DOCK1: variants seen among roughly 807,000 people sequenced by gnomAD.
DOCK1 encodes the protein dedicator of cytokinesis 1.
DOCK1 carries 138 observed loss-of-function variants against 262.7 expected under a neutral mutation model. That is an observed-to-expected ratio of 0.53 (90% confidence interval 0.46 to 0.61). The LOEUF (loss-of-function observed/expected upper bound fraction) is 0.61, where lower values mean the gene tolerates loss of function less well. Among genes scored for constraint, DOCK1 ranks in the 20% least tolerant of loss-of-function variants. The pLI is 0.00. For missense variants in DOCK1, 1,908 were observed against 2,370.7 expected (o/e 0.80, Z 4.05); for synonymous variants, 866 against 867.4 (o/e 1.00, Z 0.03).
intron 27 of DOCK1, among the ~76,000 whole-genome samples, chr10:127,165,147 G>A (rs537656360): frequency 6.6e-6 from 1 of 152,316 alleles, no homozygotes; most frequent in Non-Finnish European, 1.5e-5. Flanking sequence ...GTTCGAATTT[G>A]AAAGCATTAA....
intron 23 of DOCK1, among the ~76,000 whole-genome samples, chr10:127,099,345 C>A (rs986871399): frequency 2.0e-5 from 3 of 152,256 alleles, no homozygotes; most frequent in African/African-American, 7.2e-5. Flanking sequence ...GGAATACGGA[C>A]AAATTGACCT....
At chr10:126,968,897 A>G (rs2037879058) in intron 1 of DOCK1, among the ~76,000 whole-genome samples, 1 of 152,244 alleles carries the variant, frequency 6.6e-6, no homozygotes, top group Non-Finnish European at 1.5e-5. Context: ...GAGGACACTT[A>G]CATTTTATGA....
intron 4 of DOCK1, 87 bp from the exon 5 acceptor site, chr10:126,987,434 A>G (rs1433534256): frequency 4.7e-6 from 5 of 1,068,602 alleles, no homozygotes; most frequent in East Asian, 2.6e-5. Flanking sequence ...ACTGAACGCT[A>G]TGGCCTAGAT....
intron 27 of DOCK1, among the ~76,000 whole-genome samples, chr10:127,246,309 G>C (rs2059428844): frequency 6.6e-6 from 1 of 152,182 alleles, no homozygotes; most frequent in Non-Finnish European, 1.5e-5. Flanking sequence ...CAGTTTCACT[G>C]CCTGTAAAGT....
chr10:127,103,678 C>T (rs76994555), intron 23 of DOCK1, among the ~76,000 whole-genome samples: 4,094 of 152,190 alleles, frequency 0.027, 117 homozygotes, highest in African/African-American at 0.071. Flanking sequence ...CTTTGGATTA[C>T]GAGTAAGTGG....
At chr10:127,422,762 GA>G (rs1256579732) in intron 46 of DOCK1, among the ~76,000 whole-genome samples, 1 of 152,162 alleles carries the variant, frequency 6.6e-6, no homozygotes, top group Non-Finnish European at 1.5e-5. Flanking sequence ...AGATGTTGTA[GA>G]TTTTTTACTA....
chr10:127,353,792 C>A (rs1351574196), intron 31 of DOCK1, among the ~76,000 whole-genome samples: 1 of 152,294 alleles, frequency 6.6e-6, no homozygotes, highest in East Asian at 1.9e-4. Flanking sequence ...GTGCTTAGGG[C>A]ACCAGAGTCT....
chr10:126,912,199 T>G (rs7092268), intron 1 of DOCK1, among the ~76,000 whole-genome samples: 156 of 151,606 alleles, frequency 1.0e-3, no homozygotes, highest in African/African-American at 3.4e-3. Flanking sequence ...GAGGCTGAGG[T>G]GGGCGGGTCA....
chr10:127,402,990 C>A, intron 38 of DOCK1, 65 bp from the exon 39 acceptor site: 2 of 1,399,132 alleles, frequency 1.4e-6, no homozygotes, highest in South Asian at 1.3e-5. Flanking sequence ...TGATTGCATT[C>A]CTGTTTGACT....
At chr10:127,435,337 G>C (rs940322543) in intron 48 of DOCK1, among the ~76,000 whole-genome samples, 1 of 152,152 alleles carries the variant, frequency 6.6e-6, no homozygotes, top group African/African-American at 2.4e-5. Flanking sequence ...TCAACACACA[G>C]AAACAAACTT....
intron 27 of DOCK1, among the ~76,000 whole-genome samples, chr10:127,207,535 A>G (rs1367615269): frequency 6.6e-6 from 1 of 152,218 alleles, no homozygotes; most frequent in Non-Finnish European, 1.5e-5. Context: ...GAGAGTATTC[A>G]TTCCTGTACA....
At chr10:127,417,851 C>T (rs1296881887) in intron 44 of DOCK1, among the ~76,000 whole-genome samples, 1 of 152,138 alleles carries the variant, frequency 6.6e-6, no homozygotes, top group African/African-American at 2.4e-5. Context: ...GCTAGGATTG[C>T]AGGCAGGAGC....
Position 127,198,020 on chromosome 10 carries a change from A to ACT in DOCK1, c.2848-49985_2848-49984dup, listed in dbSNP as rs564412856. On this transcript the variant is annotated intron_variant, in intron 27 of 51. Coordinates refer to ENST00000623213, the MANE Select transcript of DOCK1 (RefSeq NM_001290223.2). ...GGGAGTCCTGAGCCTGTGGATCCAA[A>ACT]CTCTGCCCACCTCACTCTTCTTGTT... is the stretch of plus-strand genomic sequence containing the variant. Among the ~76,000 whole-genome samples the ACT allele has an allele frequency of 4.6e-3, 706 of 152,226 alleles. 4 individuals are homozygous for ACT. The highest frequency in any genetic ancestry group is 6.8e-3 in the Middle Eastern group (2 of 294).
chr10:126,954,459 A>G (rs1361149621), intron 1 of DOCK1, among the ~76,000 whole-genome samples: 2 of 152,180 alleles, frequency 1.3e-5, no homozygotes, highest in African/African-American at 4.8e-5. Context: ...CATTTGAACC[A>G]TTTTTAGGTG....
At chr10:127,298,118 G>T (rs2061563474) in intron 29 of DOCK1, among the ~76,000 whole-genome samples, 1 of 152,122 alleles carries the variant, frequency 6.6e-6, no homozygotes, top group African/African-American at 2.4e-5. Context: ...GATCAGATTG[G>T]TTCCTCGTTA....
chr10:127,323,131 G>T (rs73384615), intron 29 of DOCK1, among the ~76,000 whole-genome samples: 4,884 of 152,268 alleles, frequency 0.032, 255 homozygotes, highest in African/African-American at 0.11. Flanking sequence ...GGTGCATCTG[G>T]CATCCGAGCT....
At position 127,117,718 on chromosome 10, in the gene DOCK1, C is replaced by T. The variant is rs181006094; in HGVS notation, c.2623+7364C>T. 6.0e-4 allele frequency among the ~76,000 whole-genome samples: 92 copies of T among 152,160 alleles called. 1 individual carries two copies. Among genetic ancestry groups the T allele is most frequent in the African/African-American group, 2.0e-3 (83 of 41,512 alleles). On this transcript the variant is annotated intron_variant, in intron 25 of 51. Coordinates refer to ENST00000623213, the MANE Select transcript of DOCK1 (RefSeq NM_001290223.2). Reference sequence around the variant, plus strand: ...TGCTGGATGTTGAATGCAAGAAGAACGATCTGAGAAGAGACTGTGTTGGTT... The same window carrying T: ...TGCTGGATGTTGAATGCAAGAAGAATGATCTGAGAAGAGACTGTGTTGGTT...
intron 5 of DOCK1, among the ~76,000 whole-genome samples, chr10:126,989,738 A>G (rs2039662708): frequency 6.6e-6 from 1 of 152,222 alleles, no homozygotes; most frequent in African/African-American, 2.4e-5. Flanking sequence ...GTACGCTTGT[A>G]ATTGCAAGCT....
intron 27 of DOCK1, among the ~76,000 whole-genome samples, chr10:127,185,926 A>T (rs890958784): frequency 6.6e-6 from 1 of 152,234 alleles, no homozygotes; most frequent in Non-Finnish European, 1.5e-5. Context: ...GTGACTTGCT[A>T]GGAATTATCA....
Sources: allele counts gnomAD v4.1 joint callset (sites outside exome capture counted in the v4.1 genomes callset), GRCh38; gene constraint gnomAD v4.1.1; transcripts MANE v1.5; gene names NCBI Gene and HGNC (gene_info 2026-07-23, HGNC 2026-07-21).